Variants in FOXN3 observed in about 807,000 individuals in gnomAD.
FOXN3 encodes the protein forkhead box N3.
Under a neutral mutation model 38.4 loss-of-function variants are expected in FOXN3, and 7 were observed. The observed-to-expected ratio is 0.18, with a 90% CI of 0.10 to 0.34. The LOEUF is 0.34. Among genes scored for constraint, FOXN3 ranks in the 10% least tolerant of loss-of-function variants. The pLI is 1.00. For missense variants in FOXN3, 456 were observed against 613.4 expected, an observed-to-expected ratio of 0.74 and a Z score of 2.71; for synonymous variants, 230 against 242.2, an observed-to-expected ratio of 0.95 and a Z score of 0.47.
At chr14:89,517,222 G>C (rs1346599983) in intron 1 of FOXN3, among the ~76,000 whole-genome samples, 2 of 152,084 alleles carry the variant, frequency 1.3e-5, no homozygotes, top group African/African-American at 4.8e-5. Flanking sequence ...AATTAGCTGG[G>C]CATGGTGGCA....
chr14:89,308,289 AAAAAGAAGACAAATG>A (rs1887435360), intron 3 of FOXN3, among the ~76,000 whole-genome samples: 2 of 152,240 alleles, frequency 1.3e-5, no homozygotes, highest in African/African-American at 4.8e-5. Context: ...ACAGACAAAC[AAAAAGAAGACAAATG>A]AAAAAATTGT....
At chr14:89,441,932 T>A (rs1344172135) in intron 1 of FOXN3, among the ~76,000 whole-genome samples, 2 of 149,382 alleles carry the variant, frequency 1.3e-5, no homozygotes, top group African/African-American at 2.5e-5. Flanking sequence ...CTTTTTTTTT[T>A]TTTTTTTTTT....
chr14:89,357,054 T>C (rs1288585089), intron 2 of FOXN3, among the ~76,000 whole-genome samples: 2 of 151,994 alleles, frequency 1.3e-5, no homozygotes, highest in Non-Finnish European at 2.9e-5. Flanking sequence ...GGAGGACAGC[T>C]CCCGAATGTA....
At position 89,497,041 on chromosome 14, in the gene FOXN3, G is replaced by A. The variant is rs367834675; in HGVS notation, c.-14-84551C>T. Among the ~76,000 whole-genome samples, 15 of 152,186 alleles carry A rather than the reference G, an allele frequency of 9.9e-5. 1 individual carries two copies. In the East Asian group the frequency reaches 2.3e-3, roughly 24 times the overall value. ...GCAATCTCAGCTTACTGCAACCTCC[G>A]CTTCCCGGGTTCAAGTGATTCTCCT... On this transcript the variant is annotated intron_variant, in intron 1 of 6. Transcript: ENST00000345097.
chr14:89,198,112 A>T (rs536594743), intron 4 of FOXN3, among the ~76,000 whole-genome samples: 1 of 152,310 alleles, frequency 6.6e-6, no homozygotes, highest in East Asian at 1.9e-4. Context: ...AGGGAAAAAT[A>T]ATTCCAGAAA....
At chr14:89,295,345 G>A (rs1887001450) in intron 3 of FOXN3, among the ~76,000 whole-genome samples, 1 of 152,166 alleles carries the variant, frequency 6.6e-6, no homozygotes, top group African/African-American at 2.4e-5. Flanking sequence ...GGAATTAATT[G>A]CACTCTGCAG....
chr14:89,386,050 T>C (rs1048519533), intron 2 of FOXN3, among the ~76,000 whole-genome samples: 1 of 152,284 alleles, frequency 6.6e-6, no homozygotes, highest in East Asian at 1.9e-4. Context: ...TCTCTTTGCT[T>C]TTGTCAACTC....
chr14:89,171,208 A>C (rs1192519752), intron 5 of FOXN3, among the ~76,000 whole-genome samples: 1 of 152,170 alleles, frequency 6.6e-6, no homozygotes, highest in African/African-American at 2.4e-5. Context: ...GAAAAGAAAA[A>C]CCCCTAGAGT....
intron 4 of FOXN3, among the ~76,000 whole-genome samples, chr14:89,229,208 T>C (rs1884729025): frequency 6.6e-6 from 1 of 152,128 alleles, no homozygotes; most frequent in Non-Finnish European, 1.5e-5. Context: ...GGGACTAAAA[T>C]AGATAAGAGT....
At chr14:89,429,530 G>T (rs888764552) in intron 1 of FOXN3, among the ~76,000 whole-genome samples, 4 of 146,546 alleles carry the variant, frequency 2.7e-5, no homozygotes, top group Non-Finnish European at 1.5e-5. Flanking sequence ...AGACACAACT[G>T]ATTTTTTTTT....
intron 4 of FOXN3, among the ~76,000 whole-genome samples, chr14:89,181,104 A>G (rs1324580869): frequency 6.6e-6 from 1 of 152,122 alleles, no homozygotes; most frequent in African/African-American, 2.4e-5. Flanking sequence ...GGAAACAGAG[A>G]CAGAAAAAGA....
At chr14:89,280,627 C>T (rs776221519) in intron 4 of FOXN3, among the ~76,000 whole-genome samples, 12 of 152,174 alleles carry the variant, frequency 7.9e-5, no homozygotes, top group Non-Finnish European at 1.5e-4. Flanking sequence ...GTTTATGTTT[C>T]TGTCGCATTC....
chr14:89,496,186 C>A (rs1053796875), intron 1 of FOXN3, among the ~76,000 whole-genome samples: 5 of 152,128 alleles, frequency 3.3e-5, no homozygotes, highest in Admixed American at 6.5e-5. Context: ...ACACTACAGC[C>A]TGGGCAACAA....
intron 4 of FOXN3, among the ~76,000 whole-genome samples, chr14:89,256,366 C>T (rs374538666): frequency 6.6e-5 from 10 of 152,122 alleles, no homozygotes; most frequent in African/African-American, 1.7e-4. Context: ...GATTGATGAA[C>T]GGCACTGAGG....
intron 4 of FOXN3, among the ~76,000 whole-genome samples, chr14:89,272,939 A>T (rs1886193313): frequency 6.6e-6 from 1 of 152,212 alleles, no homozygotes; most frequent in African/African-American, 2.4e-5. Context: ...GAGCCCTGAA[A>T]TTTTTTGCTG....
At position 89,162,549 on chromosome 14, in the gene FOXN3, G is replaced by C. The variant is rs529494902; in HGVS notation, c.1272C>G (p.Pro424=). The C allele has an allele frequency of 1.9e-6, 3 of 1,613,838 alleles. No individual in the cohort carries two copies. The highest frequency in any genetic ancestry group is 3.3e-5 in the Admixed American group (2 of 60,010). ...CTTTCATCTCCTCATCATCGCTCTC[G>C]GGGGGCTTTTCGGTGCGTCTCTTTT... ...PLKKRRTEKP[P]ESDDEEMKEA... The change falls in exon 6 of 6, where the codon CCC becomes CCG. Residue 424 remains proline (P), a synonymous_variant. Coordinates refer to ENST00000557258, the MANE Select transcript of FOXN3 (RefSeq NM_005197.4). The surrounding 1 kb of genome is among the most constrained non-coding windows in gnomAD (Gnocchi z 7.2).
At chr14:89,360,730 CCACCTCCAG>C (rs1889471212) in intron 2 of FOXN3, among the ~76,000 whole-genome samples, 2 of 140,412 alleles carry the variant, frequency 1.4e-5, no homozygotes, top group South Asian at 2.2e-4. Flanking sequence ...TCCACCACCA[CCACCTCCAG>C]CACCACCTCC....
chr14:89,454,871 G>C (rs949813079), intron 1 of FOXN3, among the ~76,000 whole-genome samples: 3 of 152,114 alleles, frequency 2.0e-5, no homozygotes, highest in Non-Finnish European at 4.4e-5. Context: ...CCTAACCCAA[G>C]GTCATCCTTA....
chr14:89,573,209 G>A (rs182284029), intron 1 of FOXN3, among the ~76,000 whole-genome samples: 1 of 152,320 alleles, frequency 6.6e-6, no homozygotes, highest in East Asian at 1.9e-4. Flanking sequence ...TGGGAAAGGT[G>A]CTGAGCCAGA....
Sources: allele counts gnomAD v4.1 joint callset (sites outside exome capture counted in the v4.1 genomes callset), GRCh38; gene constraint gnomAD v4.1.1; non-coding constraint Gnocchi (gnomAD v3.1); transcripts MANE v1.5; gene names NCBI Gene and HGNC (gene_info 2026-07-23, HGNC 2026-07-21).